Variants in ATP11A observed in about 807,000 individuals in gnomAD.
ATP11A encodes ATPase phospholipid transporting 11A.
Under a neutral mutation model 154.4 loss-of-function variants are expected in ATP11A, and 81 were observed. That is an observed-to-expected ratio of 0.52 (90% confidence interval 0.44 to 0.63). The LOEUF is 0.63. ATP11A is among the 30% of genes least tolerant of loss of function. ATP11A has a pLI of 0.00. For synonymous variants in ATP11A, 623 were observed against 585.9 expected (o/e 1.06, Z -0.91); for missense variants, 1,316 against 1,474.3 (o/e 0.89, Z 1.76).
intron 1 of ATP11A, among the ~76,000 whole-genome samples, chr13:112,707,415 CAAAAA>C (rs35020608): frequency 1.2e-5 from 1 of 80,692 alleles, no homozygotes; most frequent in East Asian, 3.6e-4. Flanking sequence ...AATTCTGTCT[CAAAAA>C]AAAAAAAAAA....
rs536565748 is a variant in ATP11A, at chr13:112,697,387, C to T, written c.39+6932C>T. On this transcript the variant is annotated intron_variant, in intron 1 of 29. Transcript: ENST00000375645. The surrounding 1 kb of genome is among the most constrained non-coding windows in gnomAD (Gnocchi z 4.0). ...TGGCACAGAAAAGCCACGCAGAAAA[C>T]AGCTGCTGGGCCAACACCGAGACCC... 4.6e-5 allele frequency among the ~76,000 whole-genome samples: 7 copies of T among 151,958 alleles called. No individual in the cohort carries two copies. Among genetic ancestry groups the T allele is most frequent in the Admixed American group, 4.6e-4 (7 of 15,264 alleles).
intron 1 of ATP11A, among the ~76,000 whole-genome samples, chr13:112,735,458 T>G (rs1386566834): frequency 6.6e-6 from 1 of 152,178 alleles, no homozygotes; most frequent in Non-Finnish European, 1.5e-5. Context: ...TCAACAGAAC[T>G]CCTTCTCAAA....
chr13:112,816,045 G>C, intron 5 of ATP11A, 38 bp from the exon 6 acceptor site: 1 of 1,612,742 alleles, frequency 6.2e-7, no homozygotes, highest in Non-Finnish European at 8.5e-7. Flanking sequence ...TTCACGGAGG[G>C]GCTTTCCATT....
intron 1 of ATP11A, among the ~76,000 whole-genome samples, chr13:112,722,634 G>A (rs373461718): frequency 1.2e-4 from 18 of 152,284 alleles, no homozygotes; most frequent in South Asian, 1.0e-3. Flanking sequence ...TGCCCTTGGC[G>A]GAGAGGAGGG....
intron 2 of ATP11A, among the ~76,000 whole-genome samples, chr13:112,787,480 T>A: frequency 8.7e-6 from 1 of 114,580 alleles, no homozygotes; most frequent in Non-Finnish European, 1.7e-5. Context: ...GATACCTACT[T>A]AATTCACACC....
In ATP11A at chr13:112,838,708, A is replaced by G. The variant is rs945831444; in HGVS notation, c.1705+2457A>G. 1.3e-4 allele frequency among the ~76,000 whole-genome samples: 20 copies of G among 152,202 alleles called. No homozygotes were observed. The highest frequency in any genetic ancestry group is 4.6e-4 in the African/African-American group (19 of 41,466). On this transcript the variant is annotated intron_variant, in intron 16 of 29. Coordinates refer to ENST00000375645, the MANE Select transcript of ATP11A (RefSeq NM_015205.3). The surrounding 1 kb of genome is among the most constrained non-coding windows in gnomAD (Gnocchi z 7.3). ...GCATTTGTGCCATGAGAATATCCCT[A>G]TCCGCACTGGGACGCCTGTGGACCT... is the stretch of plus-strand genomic sequence containing the variant.
chr13:112,781,064 G>A (rs898738174), intron 1 of ATP11A, among the ~76,000 whole-genome samples: 2 of 152,106 alleles, frequency 1.3e-5, no homozygotes, highest in African/African-American at 4.8e-5. Context: ...TGTTTGAGAC[G>A]GAGCCTCGGT....
chr13:112,833,571 C>T (rs914814921), intron 14 of ATP11A, among the ~76,000 whole-genome samples: 2 of 152,186 alleles, frequency 1.3e-5, no homozygotes, highest in Non-Finnish European at 2.9e-5. Context: ...TTCTGTATTA[C>T]TGAACCTCCC....
chr13:112,832,669 A>G (rs2079126825), intron 13 of ATP11A, among the ~76,000 whole-genome samples, 191 bp from the exon 14 acceptor site: 1 of 152,162 alleles, frequency 6.6e-6, no homozygotes, highest in Non-Finnish European at 1.5e-5. Context: ...CTCAATTACA[A>G]AACAGAGTGC....
chr13:112,721,933 G>T (rs1026271627), intron 1 of ATP11A, among the ~76,000 whole-genome samples: 1 of 152,206 alleles, frequency 6.6e-6, no homozygotes, highest in African/African-American at 2.4e-5. Context: ...GGCCGTGGCA[G>T]ACAAGGGGAG....
chr13:112,770,536 G>T (rs1046830194), intron 1 of ATP11A, among the ~76,000 whole-genome samples: 1 of 152,256 alleles, frequency 6.6e-6, no homozygotes, highest in African/African-American at 2.4e-5. Context: ...AGAGGGATGG[G>T]CGTGCCCACG....
intron 29 of ATP11A, among the ~76,000 whole-genome samples, chr13:112,879,681 G>A (rs774780371): frequency 5.9e-5 from 9 of 152,196 alleles, no homozygotes; most frequent in South Asian, 2.1e-4. Flanking sequence ...AACAGAAAGC[G>A]CCTGCAGCCA....
chr13:112,716,904 G>A (rs1298301198), intron 1 of ATP11A, among the ~76,000 whole-genome samples: 1 of 143,904 alleles, frequency 6.9e-6, no homozygotes, highest in African/African-American at 2.6e-5. Flanking sequence ...GGGCAGTACT[G>A]GATCAGGTGG....
At chr13:112,779,135 A>C (rs1566468927) in intron 1 of ATP11A, among the ~76,000 whole-genome samples, 2 of 101,158 alleles carry the variant, frequency 2.0e-5, no homozygotes, top group African/African-American at 8.2e-5. Context: ...TAGCCGCTGG[A>C]GTGAGTAGCC....
At position 112,846,191 on chromosome 13, in the gene ATP11A, C is replaced by T. The variant is rs115105323; in HGVS notation, c.1809+3812C>T. 5.0e-3 allele frequency among the ~76,000 whole-genome samples: 754 copies of T among 152,222 alleles called. 8 individuals carry two copies. The highest frequency in any genetic ancestry group is 0.016 in the African/African-American group (647 of 41,522). On this transcript the variant is annotated intron_variant, in intron 17 of 29. Transcript: ENST00000375645. ...AGCCGTGTTGAGCATCTCGGATCTG[C>T]GGCGTTTCATCAAGTTTAACATTTT...
Position 112,807,096 on chromosome 13 carries a change from A to G in ATP11A, c.333+803A>G, listed in dbSNP as rs1249437340. 6.6e-6 allele frequency among the ~76,000 whole-genome samples: 1 copy of G among 152,224 alleles called. No individual in the cohort carries two copies. The highest frequency in any genetic ancestry group is 1.5e-5 in the Non-Finnish European group (1 of 68,036). On this transcript the variant is annotated intron_variant, in intron 4 of 29. Transcript: ENST00000375645. The surrounding 1 kb of genome is among the most constrained non-coding windows in gnomAD (Gnocchi z 4.5). ...TGTTCTGAATAATGCTGCTGAGAAC[A>G]TTTGTGTTTCACACCCACCAGATTG... is the stretch of plus-strand genomic sequence containing the variant.
intron 2 of ATP11A, among the ~76,000 whole-genome samples, chr13:112,800,708 A>G (rs868332932): frequency 6.6e-6 from 1 of 152,214 alleles, no homozygotes; most frequent in Non-Finnish European, 1.5e-5. Context: ...AGACGATATC[A>G]CACACCAGTA....
chr13:112,778,596 G>GT (rs1432246092), intron 1 of ATP11A, among the ~76,000 whole-genome samples: 1 of 152,102 alleles, frequency 6.6e-6, no homozygotes, highest in Non-Finnish European at 1.5e-5. Flanking sequence ...ACTGGAATGA[G>GT]TAGCCGCTGG....
At chr13:112,797,975 G>A (rs2078043861) in intron 2 of ATP11A, among the ~76,000 whole-genome samples, 2 of 152,216 alleles carry the variant, frequency 1.3e-5, no homozygotes, top group African/African-American at 4.8e-5. Flanking sequence ...CAGGTTTGGT[G>A]TCTGGTGAGG....
Sources: gnomAD v4.1 joint callset for allele counts (sites outside exome capture counted in the v4.1 genomes callset) on GRCh38, gnomAD v4.1.1 for gene constraint, Gnocchi (gnomAD v3.1) non-coding constraint, MANE v1.5 for transcripts, NCBI Gene and HGNC (gene_info 2026-07-23, HGNC 2026-07-21) for gene names.